Variants in TMC1 observed in about 807,000 individuals in gnomAD.
The protein encoded by TMC1 is transmembrane channel like 1.
Under a neutral mutation model 105.8 loss-of-function variants are expected in TMC1, and 84 were observed. That is an observed-to-expected ratio of 0.79 (90% CI 0.67 to 0.95). The LOEUF (loss-of-function observed/expected upper bound fraction) is 0.95, where lower values mean the gene tolerates loss of function less well. TMC1 is among the 40% of genes least tolerant of loss of function. The pLI, the probability that TMC1 is intolerant of heterozygous loss-of-function variation, is 0.00. For missense variants in TMC1, 817 were observed against 914.1 expected, an observed-to-expected ratio of 0.89 and a Z score of 1.37; for synonymous variants, 315 against 311.5, an observed-to-expected ratio of 1.01 and a Z score of -0.12.
chr9:72,610,907 T>A (rs538133956), intron 2 of TMC1, among the ~76,000 whole-genome samples: 1 of 152,336 alleles, frequency 6.6e-6, no homozygotes, highest in African/African-American at 2.4e-5. Context: ...GCCAAGAAGA[T>A]GAGGAAGTTA....
chr9:72,628,835 A>T (rs1012156677), intron 4 of TMC1, among the ~76,000 whole-genome samples: 2 of 152,202 alleles, frequency 1.3e-5, no homozygotes, highest in African/African-American at 4.8e-5. Flanking sequence ...TTATGATTAG[A>T]TCTAATTCTT....
At chr9:72,611,305 T>G (rs1825020116) in intron 2 of TMC1, among the ~76,000 whole-genome samples, 1 of 152,148 alleles carries the variant, frequency 6.6e-6, no homozygotes, top group African/African-American at 2.4e-5. Context: ...GATCATAGAA[T>G]GTACTGCACT....
At chr9:72,533,053 G>A (rs1265678787) in intron 1 of TMC1, among the ~76,000 whole-genome samples, 1 of 152,208 alleles carries the variant, frequency 6.6e-6, no homozygotes, top group Non-Finnish European at 1.5e-5. Context: ...TAAGGGAGAA[G>A]GAGGTGCTGT....
At chr9:72,721,433 G>C (rs1019344877) in intron 8 of TMC1, among the ~76,000 whole-genome samples, 3 of 152,128 alleles carry the variant, frequency 2.0e-5, no homozygotes, top group Non-Finnish European at 4.4e-5. Flanking sequence ...TGTATTAGCT[G>C]GGATTCTAAG....
intron 8 of TMC1, among the ~76,000 whole-genome samples, chr9:72,718,153 G>T (rs1387516706): frequency 6.6e-6 from 1 of 151,234 alleles, no homozygotes; most frequent in African/African-American, 2.4e-5. Context: ...CCTTTTTCTG[G>T]TGCCTCCTTG....
chr9:72,636,062 A>G (rs887555811), intron 4 of TMC1, among the ~76,000 whole-genome samples: 1 of 152,162 alleles, frequency 6.6e-6, no homozygotes, highest in Non-Finnish European at 1.5e-5. Context: ...TTTTTGTGAT[A>G]TTTAGACTGC....
intron 5 of TMC1, among the ~76,000 whole-genome samples, chr9:72,656,402 C>T (rs539994676): frequency 6.6e-6 from 1 of 152,110 alleles, no homozygotes; most frequent in Non-Finnish European, 1.5e-5. Context: ...GGGCCAATAT[C>T]TAATCTAAAG....
intron 19 of TMC1, among the ~76,000 whole-genome samples, chr9:72,819,900 A>G (rs1311740156): frequency 6.6e-6 from 1 of 152,232 alleles, no homozygotes; most frequent in Non-Finnish European, 1.5e-5. Flanking sequence ...ATTGCTATTT[A>G]TATTGATTTA....
chr9:72,523,338 G>A (rs532600505), intron 1 of TMC1, among the ~76,000 whole-genome samples: 4 of 152,060 alleles, frequency 2.6e-5, no homozygotes, highest in Admixed American at 6.6e-5. Context: ...TAGGGATGCC[G>A]ACCCTTGCGT....
chr9:72,802,250 CATAT>C (rs1828486514), intron 17 of TMC1, among the ~76,000 whole-genome samples: 2 of 141,716 alleles, frequency 1.4e-5, no homozygotes, highest in Middle Eastern at 3.2e-3. Flanking sequence ...TACATACATA[CATAT>C]ATACATACAT....
chr9:72,627,250 T>G (rs572716186), intron 3 of TMC1, among the ~76,000 whole-genome samples: 49 of 152,268 alleles, frequency 3.2e-4, no homozygotes, highest in African/African-American at 1.2e-3. Flanking sequence ...CAGAGCGGTC[T>G]GGGGAGCATT....
chr9:72,746,041 A>G (rs1056071977), intron 10 of TMC1, among the ~76,000 whole-genome samples: 1 of 152,244 alleles, frequency 6.6e-6, no homozygotes, highest in Non-Finnish European at 1.5e-5. Flanking sequence ...AAACAGATTT[A>G]TACTAAGAGG....
chr9:72,715,466 A>AT (rs1826900992), intron 8 of TMC1, among the ~76,000 whole-genome samples: 1 of 151,500 alleles, frequency 6.6e-6, no homozygotes, highest in Non-Finnish European at 1.5e-5. Flanking sequence ...ATTTCTTTTC[A>AT]CTGTTTTTTA....
intron 1 of TMC1, among the ~76,000 whole-genome samples, chr9:72,538,641 G>A (rs1823626343): frequency 6.6e-6 from 1 of 152,132 alleles, no homozygotes; most frequent in Non-Finnish European, 1.5e-5. Flanking sequence ...GTTTCACCAT[G>A]TTGGCCAGGC....
intron 2 of TMC1, among the ~76,000 whole-genome samples, chr9:72,598,302 C>T (rs994280481): frequency 2.0e-5 from 3 of 152,192 alleles, no homozygotes; most frequent in Admixed American, 6.5e-5. Context: ...GGTCTCATCC[C>T]TCCCTGCCTA....
intron 15 of TMC1, 134 bp from the exon 16 acceptor site, chr9:72,791,752 C>T (rs569318773): frequency 5.5e-5 from 42 of 766,644 alleles, no homozygotes; most frequent in South Asian, 1.8e-4. Context: ...AAATTCTAAA[C>T]GTGCATAAAA....
At position 72,688,715 on chromosome 9, in the gene TMC1, T is replaced by A. The variant is rs372383725; in HGVS notation, c.23T>A (p.Ile8Asn). MSPKKVQ[I>N]KVEEKEDETE... ...TGTTTTCTTTCCTCAACAGTACAAA[T>A]CAAAGTGGAGGAAAAAGAAGACGAG... The change falls in exon 6 of 24, where the codon ATC becomes AAC. Residue 8 changes from isoleucine to asparagine, a missense_variant. Ile to Asn is a moderately radical substitution (Grantham distance 149). Transcript: ENST00000297784. The A allele has an allele frequency of 3.1e-6, 5 of 1,611,458 alleles. No individual in the cohort carries two copies. In the African/African-American group the frequency reaches 5.3e-5, roughly 17 times the overall value.
chr9:72,549,843 A>C (rs1823831790), intron 1 of TMC1, among the ~76,000 whole-genome samples: 1 of 150,828 alleles, frequency 6.6e-6, no homozygotes, highest in Non-Finnish European at 1.5e-5. Flanking sequence ...CGAACTCCTG[A>C]CCTCGTGATC....
At chr9:72,617,079 C>T (rs533214960) in intron 3 of TMC1, among the ~76,000 whole-genome samples, 1 of 152,054 alleles carries the variant, frequency 6.6e-6, no homozygotes, top group Admixed American at 6.6e-5. Flanking sequence ...GATGATTTTT[C>T]CTTCAAGAGT....
Sources: gnomAD v4.1 joint callset for allele counts (sites outside exome capture counted in the v4.1 genomes callset) on GRCh38, gnomAD v4.1.1 for gene constraint, MANE v1.5 for transcripts, NCBI Gene and HGNC (gene_info 2026-07-23, HGNC 2026-07-21) for gene names.